The following TRPA1 variants were observed in gnomAD, a reference collection of about 807,000 sequenced individuals.
The protein encoded by TRPA1 is transient receptor potential cation channel subfamily A member 1.
In TRPA1, 129 loss-of-function variants were observed where a neutral mutation model predicts 131.3. The ratio of observed to expected loss-of-function variants is 0.98; its 90% confidence interval spans 0.85 to 1.14. TRPA1 has a LOEUF of 1.14. Among genes scored for constraint, TRPA1 ranks in the 50% most tolerant of loss-of-function variants. The pLI is 0.00. For synonymous variants in TRPA1, 441 were observed against 451.7 expected (o/e 0.98, Z 0.30); for missense variants, 1,304 against 1,354.2 (o/e 0.96, Z 0.58).
In TRPA1 at chr8:72,053,007, A is replaced by G. The variant is rs111556819; in HGVS notation, c.1645-242T>C. ...TGTGTGTGTGTGTGAGAGATAGAGA[A>G]AGAGAGAGAGAGAGAGAGAGAGAGA... On this transcript the variant is annotated intron_variant, in intron 13 of 26. Transcript: ENST00000262209. 5.9e-3 allele frequency: 1,368 copies of G among 231,552 alleles called. 8 individuals are homozygous for G. Among genetic ancestry groups the G allele is most frequent in the Admixed American group, 6.7e-3 (118 of 17,622 alleles). 14.3% of individuals were successfully genotyped at this position (231,552 alleles called of 1,614,324 possible).
chr8:72,089,909 T>C, the TRPA1 span, among the ~76,000 whole-genome samples: 3 of 152,076 alleles, frequency 2.0e-5, no homozygotes, highest in South Asian at 2.1e-4. Context: ...CCTTTAAAAA[T>C]TGGAAAGTTA....
chr8:72,052,857 T>A (rs1232543486), intron 13 of TRPA1, 92 bp from the exon 14 acceptor site: 11 of 1,426,036 alleles, frequency 7.7e-6, no homozygotes, highest in Middle Eastern at 2.5e-4. Flanking sequence ...TTAGCGACAC[T>A]ATTTAATACC....
In TRPA1 at chr8:72,038,889, A is replaced by T; in HGVS notation, c.2271T>A (p.Asp757Glu). Residue 757 changes from aspartate to glutamate, a missense_variant, in exon 19 of 27, where the codon GAT becomes GAA. Transcript: ENST00000262209. ...NSTGIINETS[D>E]HSEILDTTNS... ...CCGTGGTATCTAGTATTTCTGAATG[A>T]TCACTAGTTTCATTGATGATGCCAG... 1.2e-6 allele frequency: 2 copies of T among 1,612,494 alleles called. No individual in the cohort carries two copies. The highest frequency in any genetic ancestry group is 1.7e-6 in the Non-Finnish European group (2 of 1,179,182).
intron 17 of TRPA1, among the ~76,000 whole-genome samples, chr8:72,042,960 T>C (rs1812304510): frequency 6.6e-6 from 1 of 151,826 alleles, no homozygotes; most frequent in African/African-American, 2.4e-5. Context: ...TTTTGCAACA[T>C]GAAATAATTT....
chr8:72,025,205 G>A (rs926933996), intron 25 of TRPA1, among the ~76,000 whole-genome samples: 3 of 151,868 alleles, frequency 2.0e-5, no homozygotes, highest in Admixed American at 6.6e-5. Context: ...TAATCCCCAC[G>A]TGTCAAGGGA....
At chr8:72,073,511 C>T (rs770202817) in intron 1 of TRPA1, among the ~76,000 whole-genome samples, 34 of 152,142 alleles carry the variant, frequency 2.2e-4, no homozygotes, top group Non-Finnish European at 4.3e-4. Context: ...ATATATGTTT[C>T]TTTGTCATGG....
At chr8:72,030,075 T>C in intron 23 of TRPA1, 106 bp from the exon 24 acceptor site, 2 of 1,058,684 alleles carry the variant, frequency 1.9e-6, no homozygotes, top group South Asian at 2.6e-5. Context: ...AATATTTTAG[T>C]CTGGGTAGTG....
In TRPA1 at chr8:72,025,970, C is replaced by A; in HGVS notation, c.3041G>T (p.Gly1014Val). Reference sequence around the variant, plus strand: ...GTTATGTGTACTTACGAATAACATCCCACCAGATCTGGGTTTGTTGGGATA... The same window carrying A: ...GTTATGTGTACTTACGAATAACATCACACCAGATCTGGGTTTGTTGGGATA... ...IVYPNKPRSGGMLFHIFCFLF... is the reference protein window; with the variant it reads ...IVYPNKPRSGVMLFHIFCFLF... The change falls in exon 25 of 27, where the codon GGG (glycine) becomes GTG (valine). Residue 1014 changes from glycine (G) to valine (V), a missense_variant. Transcript: ENST00000262209. 6.2e-7 allele frequency: 1 copy of A among 1,613,498 alleles called. No homozygotes were observed. Among genetic ancestry groups the A allele is most frequent in the African/African-American group, 1.3e-5 (1 of 74,980 alleles).
chr8:72,023,290 T>C, intron 26 of TRPA1, 174 bp from the exon 27 acceptor site: 1 of 736,508 alleles, frequency 1.4e-6, no homozygotes, highest in Non-Finnish European at 2.3e-6. Flanking sequence ...TTTAAATGAT[T>C]TTTCCCAAAG....
At position 72,075,418 on chromosome 8, in the gene TRPA1, C is replaced by T. The variant is rs770137156; in HGVS notation, c.-9G>A. 4.3e-5 allele frequency: 69 copies of T among 1,599,188 alleles called. No homozygotes were observed. The South Asian group carries it at 6.4e-4, about 15-fold the overall frequency. On this transcript the variant is annotated 5_prime_UTR_variant, in exon 1 of 27. The change creates a new upstream start codon in the 5' untranslated region. Coordinates refer to ENST00000262209, the MANE Select transcript of TRPA1 (RefSeq NM_007332.3). ...CTCAGGCTGCGCTTCATTGACCCCA[C>T]CCCGGACGCCACCTGGTGCAGCTGC...
chr8:72,057,007 T>A lies in TRPA1; in HGVS notation c.1104A>T (p.Val368=). The A allele has an allele frequency of 6.2e-7, 1 of 1,604,350 alleles. No individual in the cohort carries two copies. Among genetic ancestry groups the A allele is most frequent in the Non-Finnish European group, 8.5e-7 (1 of 1,173,818 alleles). The change falls in exon 10 of 27, where the codon GTA becomes GTT. Residue 368 remains valine (V), a synonymous_variant. Transcript: ENST00000262209. ...TACGTCCAAAATTATCTTTTATGTC[T>A]ACTTGGGCACCTAAAAAAAAACACT... ...VNLLLSKGAQ[V]DIKDNFGRNF...
At chr8:72,075,180 C>T (rs966051604) in intron 1 of TRPA1, 119 bp downstream of exon 1, 2 of 789,264 alleles carry the variant, frequency 2.5e-6, no homozygotes, top group Non-Finnish European at 4.4e-6. Context: ...ATTGTGCACA[C>T]ACCCCAAAGC....
At chr8:72,048,304 C>A (rs1805400691) in intron 15 of TRPA1, among the ~76,000 whole-genome samples, 1 of 152,032 alleles carries the variant, frequency 6.6e-6, no homozygotes, top group African/African-American at 2.4e-5. Flanking sequence ...CCCCATATGG[C>A]CCCATCAATG....
chr8:72,053,653 G>T, intron 13 of TRPA1, 100 bp downstream of exon 13: 1 of 856,068 alleles, frequency 1.2e-6, no homozygotes, highest in South Asian at 1.4e-5. Flanking sequence ...GCTGGGAATA[G>T]AGCAAGGAAG....
In TRPA1 at chr8:72,062,607, G is replaced by C. The variant is rs533146799; in HGVS notation, c.807+192C>G. Among the ~76,000 whole-genome samples the C allele has an allele frequency of 2.6e-5, 4 of 152,086 alleles. No homozygotes were observed. The South Asian group carries it at 8.3e-4, about 32-fold the overall frequency. On this transcript the variant is annotated intron_variant, in intron 6 of 26. Transcript: ENST00000262209. The stretch of plus-strand genomic sequence containing the variant: ...CTATATTTGTGTCTGCAATTGTTTT[G>C]GGGAGCTCTGAAAATTCTTTACATA...
rs551912767 is a variant in TRPA1, at chr8:72,046,623, A to T, written c.1966-15T>A. ...TTATACTCGATCTGTAGAAGACAGA[A>T]TTTTTTTTAAAAAAATGTACAGTTA... On this transcript the variant is annotated splice_polypyrimidine_tract_variant and intron_variant, in intron 16 of 26. Coordinates refer to ENST00000262209, the MANE Select transcript of TRPA1 (RefSeq NM_007332.3). 56 of 1,432,724 alleles carry T rather than the reference A, an allele frequency of 3.9e-5. No individual in the cohort carries two copies. The African/African-American group carries it at 4.9e-4, about 13-fold the overall frequency. 88.8% of individuals were successfully genotyped at this position (1,432,724 alleles called of 1,614,324 possible). A position where few individuals can be genotyped will look rare whatever the true frequency, so the allele number is the denominator to read the frequency against.
At chr8:72,039,503 T>A (rs929012892) in intron 18 of TRPA1, among the ~76,000 whole-genome samples, 4 of 151,750 alleles carry the variant, frequency 2.6e-5, no homozygotes, top group Admixed American at 2.0e-4. Flanking sequence ...AATGCCAGCA[T>A]TTTTTTTAAC....
At chr8:72,069,403 ATG>A (rs1347152952) in intron 2 of TRPA1, among the ~76,000 whole-genome samples, 14 of 152,336 alleles carry the variant, frequency 9.2e-5, no homozygotes, top group African/African-American at 3.4e-4. Context: ...GAGTGACTTT[ATG>A]AATTGAGTTA....
upstream of TRPA1, among the ~76,000 whole-genome samples, chr8:72,076,045 C>A (rs148285677): frequency 6.0e-3 from 910 of 152,188 alleles, 14 homozygotes; most frequent in African/African-American, 0.02. Context: ...CTTCTTCTGG[C>A]GGCCTCTTTG....
Sources: allele counts gnomAD v4.1 joint callset (sites outside exome capture counted in the v4.1 genomes callset), GRCh38; gene constraint gnomAD v4.1.1; transcripts MANE v1.5; gene names NCBI Gene and HGNC (gene_info 2026-07-23, HGNC 2026-07-21).